CHRNA7: variants seen among roughly 807,000 people sequenced by gnomAD.
The protein encoded by CHRNA7 is cholinergic receptor nicotinic alpha 7 subunit, also known as neuronal acetylcholine receptor subunit alpha-7.
In CHRNA7, 17 loss-of-function variants were observed where a neutral mutation model predicts 48.0. That is an observed-to-expected ratio of 0.35 (90% CI 0.24 to 0.53). CHRNA7 has a LOEUF of 0.53. Ranked by LOEUF, CHRNA7 falls within the 20% of genes least tolerant of loss-of-function variation. The pLI is 0.92. For synonymous variants in CHRNA7, 75 were observed against 242.3 expected, an observed-to-expected ratio of 0.31 and a Z score of 6.41; for missense variants, 155 against 577.7, an observed-to-expected ratio of 0.27 and a Z score of 7.50.
At chr15:32,074,491 A>G (rs995685202) in intron 2 of CHRNA7, among the ~76,000 whole-genome samples, 2 of 151,264 alleles carry the variant, frequency 1.3e-5, no homozygotes, top group Admixed American at 6.6e-5. Context: ...ACTAAATATA[A>G]CTGTAGCTAT....
At chr15:32,112,635 T>A (rs766128573) in intron 4 of CHRNA7, among the ~76,000 whole-genome samples, 6 of 152,178 alleles carry the variant, frequency 3.9e-5, no homozygotes, top group Non-Finnish European at 8.8e-5. Context: ...ATAAATAACA[T>A]CATGAAAAGA....
chr15:32,149,210 A>G lies in CHRNA7; in HGVS notation c.351-4697A>G, dbSNP rs2051563892. On this transcript the variant is annotated intron_variant, in intron 4 of 9. Coordinates refer to ENST00000306901, the MANE Select transcript of CHRNA7 (RefSeq NM_000746.6). This position sits in a 1 kb window ranked among gnomAD's most constrained non-coding sequence, Gnocchi z 4.6. The stretch of plus-strand genomic sequence containing the variant: ...GAATATATTTGGCCATTTTCAGACT[A>G]TTTAATACAGAACAGTTTACACACA... Among the ~76,000 whole-genome samples, 1 of 152,232 alleles carries G rather than the reference A, an allele frequency of 6.6e-6. No individual in the cohort carries two copies. The highest frequency in any genetic ancestry group is 2.1e-4 in the South Asian group (1 of 4,834).
At chr15:32,036,242 T>C (rs1902077961) in intron 2 of CHRNA7, among the ~76,000 whole-genome samples, 1 of 152,214 alleles carries the variant, frequency 6.6e-6, no homozygotes, top group African/African-American at 2.4e-5. Flanking sequence ...GCTCTCTCCA[T>C]ACTCTTTCAT....
In CHRNA7 at chr15:32,098,871, AACAC is replaced by A. The variant is rs59894827; in HGVS notation, c.196-2397_196-2394del. ...GAATCCTACCTCATCCCCCCCCACC[AACAC>A]ACACACACACACACACACACACACA... On this transcript the variant is annotated intron_variant, in intron 2 of 9. Transcript: ENST00000306901. 228 of 134,786 alleles carry A rather than the reference AACAC, an allele frequency of 1.7e-3. 2 individuals are homozygous for A. The Middle Eastern group carries it at 0.022, about 13-fold the overall frequency. The allele number at this position is 134,786 out of a possible 1,614,324, so 8.3% of individuals were successfully genotyped here.
intron 2 of CHRNA7, 71 bp downstream of exon 2, chr15:32,031,108 G>A: frequency 1.3e-6 from 2 of 1,588,648 alleles, no homozygotes; most frequent in Non-Finnish European, 1.7e-6. Flanking sequence ...AGACAGCGTC[G>A]GGCGGCCAGG....
intron 4 of CHRNA7, among the ~76,000 whole-genome samples, chr15:32,136,791 G>C (rs866479133): frequency 6.6e-6 from 1 of 151,954 alleles, no homozygotes; most frequent in African/African-American, 2.4e-5. Context: ...CGGCACTGTG[G>C]GAGGCCGGGG....
At chr15:32,074,945 G>A (rs978255492) in intron 2 of CHRNA7, among the ~76,000 whole-genome samples, 3 of 152,062 alleles carry the variant, frequency 2.0e-5, no homozygotes, top group Non-Finnish European at 4.4e-5. Context: ...CACCGCGGCT[G>A]GCCAGAATCA....
intron 3 of CHRNA7, among the ~76,000 whole-genome samples, chr15:32,105,202 T>C (rs2050642939): frequency 6.6e-6 from 1 of 152,160 alleles, no homozygotes; most frequent in Non-Finnish European, 1.5e-5. Context: ...ACTCACCTCC[T>C]CTTGGAGCAA....
intron 2 of CHRNA7, among the ~76,000 whole-genome samples, chr15:32,090,129 T>C (rs533702011): frequency 6.6e-6 from 1 of 152,260 alleles, no homozygotes; most frequent in African/African-American, 2.4e-5. Context: ...CAAGTGTTTC[T>C]CTAGTGGTAT....
chr15:32,077,240 A>G (rs1192101664), intron 2 of CHRNA7, among the ~76,000 whole-genome samples: 1 of 152,196 alleles, frequency 6.6e-6, no homozygotes, highest in Non-Finnish European at 1.5e-5. Flanking sequence ...GCAATTATGA[A>G]TAAAGCTTCT....
intron 2 of CHRNA7, among the ~76,000 whole-genome samples, chr15:32,051,675 T>C (rs1039283545): frequency 2.6e-5 from 4 of 152,230 alleles, no homozygotes; most frequent in Admixed American, 1.3e-4. Context: ...GCCCACTGTC[T>C]GGCACTCCCT....
At chr15:32,142,893 A>C (rs1261809751) in intron 4 of CHRNA7, among the ~76,000 whole-genome samples, 1 of 152,018 alleles carries the variant, frequency 6.6e-6, no homozygotes, top group Non-Finnish European at 1.5e-5. Flanking sequence ...TGATTTTTTG[A>C]AGGTTTTTTT....
chr15:32,152,893 T>C (rs762953862), intron 4 of CHRNA7, among the ~76,000 whole-genome samples: 35 of 151,382 alleles, frequency 2.3e-4, no homozygotes, highest in Non-Finnish European at 4.7e-4. Flanking sequence ...TTGGTGTAAT[T>C]GCTGTTGGGG....
intron 2 of CHRNA7, among the ~76,000 whole-genome samples, chr15:32,088,993 C>A (rs1405893064): frequency 6.6e-6 from 1 of 152,148 alleles, no homozygotes; most frequent in Admixed American, 6.5e-5. Flanking sequence ...ACCATAATCA[C>A]CAAACCCAAA....
Position 32,168,754 on chromosome 15 carries a change from GAGCTCCC to G in CHRNA7, c.*297_*303del. 36 of 82,164 alleles carry G rather than the reference GAGCTCCC, an allele frequency of 4.4e-4. No homozygotes were observed. The highest frequency in any genetic ancestry group is 5.4e-4 in the Non-Finnish European group (26 of 48,148). 5.1% of individuals were successfully genotyped at this position (82,164 alleles called of 1,614,324 possible). ...CCCACTGCCTGGAAAGCCCTTCGGA[GAGCTCCC>G]CATGGCTCCTCACCACCGAGACAGT... On this transcript the variant is annotated 3_prime_UTR_variant, in exon 10 of 10. Coordinates refer to ENST00000306901, the MANE Select transcript of CHRNA7 (RefSeq NM_000746.6).
At chr15:32,143,270 A>C (rs1325743587) in intron 4 of CHRNA7, among the ~76,000 whole-genome samples, 1 of 152,192 alleles carries the variant, frequency 6.6e-6, no homozygotes, top group Non-Finnish European at 1.5e-5. Flanking sequence ...ATTTGATTGC[A>C]CTGTGGTCTG....
intron 2 of CHRNA7, among the ~76,000 whole-genome samples, chr15:32,080,650 C>T (rs2050201803): frequency 6.6e-6 from 1 of 152,116 alleles, no homozygotes; most frequent in Admixed American, 6.6e-5. Flanking sequence ...ACAACAGATG[C>T]TGGCAGGGCT....
chr15:32,141,241 G>A (rs1382568431), intron 4 of CHRNA7, among the ~76,000 whole-genome samples: 2 of 152,114 alleles, frequency 1.3e-5, no homozygotes, highest in Non-Finnish European at 2.9e-5. Flanking sequence ...TAGATGTGTG[G>A]TGTTATTTCT....
intron 2 of CHRNA7, among the ~76,000 whole-genome samples, chr15:32,060,669 A>G (rs1011191835): frequency 3.9e-5 from 6 of 151,996 alleles, no homozygotes; most frequent in East Asian, 1.9e-4. Flanking sequence ...TGTTCCAGCT[A>G]TGGCCACTTT....
Sources: allele counts gnomAD v4.1 joint callset (sites outside exome capture counted in the v4.1 genomes callset), GRCh38; gene constraint gnomAD v4.1.1; non-coding constraint Gnocchi (gnomAD v3.1); transcripts MANE v1.5; gene names NCBI Gene and HGNC (gene_info 2026-07-23, HGNC 2026-07-21).